The following ARCN1 variants were observed in gnomAD, a reference collection of about 807,000 sequenced individuals.
ARCN1 encodes coatomer subunit delta.
A neutral mutation model predicts 60.4 loss-of-function variants in ARCN1; 5 were observed. That is an observed-to-expected ratio of 0.08 (90% CI 0.04 to 0.17). The LOEUF (loss-of-function observed/expected upper bound fraction) is 0.17, where lower values mean the gene tolerates loss of function less well. ARCN1 is among the 10% of genes least tolerant of loss of function. The pLI is 1.00. For synonymous variants in ARCN1, 224 were observed against 220.0 expected (o/e 1.02, Z -0.16); for missense variants, 464 against 626.5 (o/e 0.74, Z 2.77).
chr11:118,577,846 T>G (rs1938557256), intron 1 of ARCN1, among the ~76,000 whole-genome samples: 1 of 152,168 alleles, frequency 6.6e-6, no homozygotes, highest in African/African-American at 2.4e-5. Flanking sequence ...ATAATTAGTT[T>G]TTGAACATGC....
chr11:118,573,121 C>T (rs185526571), intron 1 of ARCN1, among the ~76,000 whole-genome samples: 38 of 152,164 alleles, frequency 2.5e-4, no homozygotes, highest in African/African-American at 9.2e-4. Flanking sequence ...TGTATAGGAC[C>T]CAAGTGTCTC....
At chr11:118,591,633 C>T (rs948625227) in intron 6 of ARCN1, among the ~76,000 whole-genome samples, 1 of 152,020 alleles carries the variant, frequency 6.6e-6, no homozygotes, top group East Asian at 1.9e-4. Flanking sequence ...CCTCATGATT[C>T]GCCCACCTCA....
intron 8 of ARCN1, among the ~76,000 whole-genome samples, chr11:118,594,690 C>T (rs145054159): frequency 2.6e-5 from 4 of 152,152 alleles, no homozygotes; most frequent in South Asian, 2.1e-4. Flanking sequence ...ACTGGGGTTA[C>T]AGGCATGTGC....
intron 1 of ARCN1, among the ~76,000 whole-genome samples, chr11:118,579,563 C>G (rs1938604278): frequency 6.6e-6 from 1 of 151,242 alleles, no homozygotes; most frequent in East Asian, 1.9e-4. Context: ...TGGCAGGCGC[C>G]TGTAATCCCA....
intron 1 of ARCN1, chr11:118,573,921 C>T (rs1938419649): frequency 2.2e-6 from 1 of 451,032 alleles, no homozygotes; most frequent in Admixed American, 3.8e-5. Context: ...CCCGTTTACA[C>T]CCTGGAATTA....
intron 8 of ARCN1, among the ~76,000 whole-genome samples, chr11:118,594,980 G>C (rs1938995470): frequency 1.3e-5 from 2 of 152,038 alleles, no homozygotes; most frequent in Non-Finnish European, 2.9e-5. Flanking sequence ...CTCCCAAGTA[G>C]CTGGGATTAC....
intron 5 of ARCN1, among the ~76,000 whole-genome samples, chr11:118,588,281 A>T (rs1350350417): frequency 6.6e-6 from 1 of 152,124 alleles, no homozygotes; most frequent in Admixed American, 6.6e-5. Context: ...TTCCTCCAGG[A>T]TATGGTGCAG....
chr11:118,578,740 A>G lies in ARCN1; in HGVS notation c.4-2506A>G, dbSNP rs1187782375. Among the ~76,000 whole-genome samples, 3 of 152,102 alleles carry G rather than the reference A, an allele frequency of 2.0e-5. 1 individual carries two copies. The highest frequency in any genetic ancestry group is 4.1e-4 in the South Asian group (2 of 4,830). On this transcript the variant is annotated intron_variant, in intron 1 of 9. Transcript: ENST00000264028. ...TTATTTGAATATCAAAATATTGACA[A>G]AGGCAAAAATCCATTGCCTTGGCCG...
rs186831232 is a variant in ARCN1 at position 118,588,947 on chromosome 11, G to A, written c.819-1394G>A. On this transcript the variant is annotated intron_variant, in intron 5 of 9. Coordinates refer to ENST00000264028, the MANE Select transcript of ARCN1 (RefSeq NM_001655.5). ...ACAGGAGAATCACTTGAACCCGGGA[G>A]GCAGAGGTTGCAGTGAGCCGAGATC... Among the ~76,000 whole-genome samples the A allele has an allele frequency of 2.2e-3, 335 of 151,208 alleles. 2 individuals carry two copies. Among genetic ancestry groups the A allele is most frequent in the African/African-American group, 8.0e-3 (327 of 41,116 alleles).
Position 118,583,790 on chromosome 11 carries a change from T to C in ARCN1, c.448-19T>C, listed in dbSNP as rs782122598. 14 of 1,606,362 alleles carry C rather than the reference T, an allele frequency of 8.7e-6. No homozygotes were observed. The highest frequency in any genetic ancestry group is 8.1e-5 in the African/African-American group (6 of 74,298). ...AACCCAAAAAAAAAAGCTACATTAA[T>C]GTATGTCTTTTTCTGTAGACTCAAG... On this transcript the variant is annotated intron_variant, in intron 3 of 9. Coordinates refer to ENST00000264028, the MANE Select transcript of ARCN1 (RefSeq NM_001655.5).
At chr11:118,586,625 C>T (rs1221861279) in intron 5 of ARCN1, among the ~76,000 whole-genome samples, 2 of 151,902 alleles carry the variant, frequency 1.3e-5, no homozygotes, top group African/African-American at 4.8e-5. Context: ...AGTTCAAGAC[C>T]ACCCTGGGCA....
At chr11:118,580,236 G>C (rs781882973) in intron 1 of ARCN1, among the ~76,000 whole-genome samples, 3 of 152,128 alleles carry the variant, frequency 2.0e-5, no homozygotes, top group Non-Finnish European at 4.4e-5. Flanking sequence ...GAGGCAGGAG[G>C]ATTGTTCAAG....
In ARCN1 at chr11:118,600,615, A is replaced by G; in HGVS notation, c.1447-10A>G. 3.7e-6 allele frequency: 6 copies of G among 1,601,022 alleles called. No homozygotes were observed. The highest frequency in any genetic ancestry group is 5.1e-6 in the Non-Finnish European group (6 of 1,173,150). On this transcript the variant is annotated splice_polypyrimidine_tract_variant and intron_variant, in intron 9 of 9. Transcript: ENST00000264028. Reference sequence around the variant, plus strand: ...TCCTGCTTTACCTTACTCTTTGTTTATTTTCCTAGGTTACCAAAGTGACCC... The same window carrying G: ...TCCTGCTTTACCTTACTCTTTGTTTGTTTTCCTAGGTTACCAAAGTGACCC...
chr11:118,577,639 C>G (rs1938550911), intron 1 of ARCN1, among the ~76,000 whole-genome samples: 2 of 152,166 alleles, frequency 1.3e-5, no homozygotes, highest in South Asian at 4.1e-4. Flanking sequence ...GTTACTCTCT[C>G]ATGTTACTTA....
intron 8 of ARCN1, among the ~76,000 whole-genome samples, chr11:118,597,127 A>T (rs1939043475): frequency 6.6e-6 from 1 of 152,200 alleles, no homozygotes; most frequent in Non-Finnish European, 1.5e-5. Context: ...GAATCGCTTG[A>T]ACTGGGGAGG....
Position 118,600,708 on chromosome 11 carries a change from T to C in ARCN1, c.1530T>C (p.Ile510=), listed in dbSNP as rs11216925. The stretch of plus-strand genomic sequence containing the variant: ...CTTTCCTAGTGGATAAGTATGAAAT[T>C]CTGTAATACCAAGAAGAGGGAGCTG... ...ETTFLVDKYE[I]L The change falls in exon 10 of 10, where the codon ATT becomes ATC. Residue 510 remains isoleucine (I), a synonymous_variant. Coordinates refer to ENST00000264028, the MANE Select transcript of ARCN1 (RefSeq NM_001655.5). 0.15 allele frequency: 241,962 copies of C among 1,601,236 alleles called. 23,756 individuals are homozygous for C. The highest frequency in any genetic ancestry group is 0.49 in the East Asian group (21,695 of 44,250).
Position 118,600,774 on chromosome 11 carries a change from T to C in ARCN1, c.*60T>C. On this transcript the variant is annotated 3_prime_UTR_variant, in exon 10 of 10. Transcript: ENST00000264028. ...AGATTAATAAAGAAGACGCCAATGA[T>C]GGCTGAAGAGTTTTTCCCAGATTTA... 8.3e-7 allele frequency: 1 copy of C among 1,207,530 alleles called. No homozygotes were observed. The highest frequency in any genetic ancestry group is 2.1e-5 in the Admixed American group (1 of 47,922). The allele number at this position is 1,207,530 out of a possible 1,614,324, so 74.8% of individuals were successfully genotyped here.
At chr11:118,581,933 G>GACACAC (rs1161304214) in intron 2 of ARCN1, among the ~76,000 whole-genome samples, 18 of 132,220 alleles carry the variant, frequency 1.4e-4, no homozygotes, top group East Asian at 1.2e-3. Context: ...CAGACAGACA[G>GACACAC]ACAGACACAC....
chr11:118,597,945 A>T, intron 9 of ARCN1, 34 bp downstream of exon 9: 1 of 1,608,034 alleles, frequency 6.2e-7, no homozygotes, highest in Non-Finnish European at 8.5e-7. Context: ...TATATAGGGA[A>T]AGTGGTAGGA....
Sources: gnomAD v4.1 joint callset for allele counts (sites outside exome capture counted in the v4.1 genomes callset) on GRCh38, gnomAD v4.1.1 for gene constraint, MANE v1.5 for transcripts, NCBI Gene and HGNC (gene_info 2026-07-23, HGNC 2026-07-21) for gene names.